The following ERCC6L2 variants were observed in gnomAD, a reference collection of about 807,000 sequenced individuals.
ERCC6L2 encodes the protein ERCC excision repair 6 like 2, also known as DNA excision repair protein ERCC-6-like 2.
A neutral mutation model predicts 132.0 loss-of-function variants in ERCC6L2; 77 were observed. The observed-to-expected ratio is 0.58, with a 90% CI of 0.49 to 0.71. ERCC6L2 has a LOEUF of 0.71. ERCC6L2 is among the 30% of genes least tolerant of loss of function. ERCC6L2 has a pLI of 0.00. For missense variants in ERCC6L2, 1,542 were observed against 1,837.6 expected, an observed-to-expected ratio of 0.84 and a Z score of 2.94; for synonymous variants, 583 against 632.4, an observed-to-expected ratio of 0.92 and a Z score of 1.17.
chr9:95,951,778 G>T (rs1196823064), intron 12 of ERCC6L2, among the ~76,000 whole-genome samples: 1 of 152,068 alleles, frequency 6.6e-6, no homozygotes, highest in Non-Finnish European at 1.5e-5. Context: ...AACTATAACT[G>T]TGTAAGGAGA....
At chr9:95,885,872 G>A (rs939502214) in intron 2 of ERCC6L2, among the ~76,000 whole-genome samples, 1 of 152,186 alleles carries the variant, frequency 6.6e-6, no homozygotes, top group Non-Finnish European at 1.5e-5. Flanking sequence ...GATGCTTCAG[G>A]TAATTCCAAG....
chr9:95,884,489 C>CTT (rs3991619), intron 2 of ERCC6L2, among the ~76,000 whole-genome samples: 37,037 of 145,096 alleles, frequency 0.26, 5,305 homozygotes, highest in East Asian at 0.37. Flanking sequence ...TTCTTTTCTT[C>CTT]TTTTTTTTTT....
chr9:95,996,650 T>C (rs929199421), intron 17 of ERCC6L2, among the ~76,000 whole-genome samples: 4 of 152,332 alleles, frequency 2.6e-5, no homozygotes, highest in Non-Finnish European at 5.9e-5. Context: ...CCCTTAAGGA[T>C]TATGCCAAAT....
At chr9:95,937,750 A>T (rs992633594) in intron 11 of ERCC6L2, among the ~76,000 whole-genome samples, 4 of 151,676 alleles carry the variant, frequency 2.6e-5, no homozygotes, top group Admixed American at 1.3e-4. Context: ...TTGCTAGTTT[A>T]GCAACGAATC....
At chr9:95,887,078 A>G (rs183675077) in intron 2 of ERCC6L2, among the ~76,000 whole-genome samples, 2 of 152,280 alleles carry the variant, frequency 1.3e-5, no homozygotes, top group African/African-American at 2.4e-5. Flanking sequence ...AACTCCTCAT[A>G]TATCTCTATT....
intron 9 of ERCC6L2, among the ~76,000 whole-genome samples, chr9:95,926,211 T>C (rs1253698252): frequency 6.6e-6 from 1 of 152,166 alleles, no homozygotes; most frequent in Non-Finnish European, 1.5e-5. Flanking sequence ...CTAAAAAATA[T>C]TACCTTAAAT....
chr9:96,011,900 C>T (rs1030105361), intron 18 of ERCC6L2, among the ~76,000 whole-genome samples: 1 of 152,142 alleles, frequency 6.6e-6, no homozygotes, highest in Non-Finnish European at 1.5e-5. Context: ...AAATCATGAT[C>T]CTCATGTCAG....
intron 17 of ERCC6L2, among the ~76,000 whole-genome samples, chr9:95,998,153 T>C (rs1225145685): frequency 2.0e-5 from 3 of 152,186 alleles, no homozygotes; most frequent in Admixed American, 2.0e-4. Context: ...CTCTTTTTTT[T>C]TGAAAAACGT....
intron 13 of ERCC6L2, among the ~76,000 whole-genome samples, chr9:95,961,468 G>A (rs188357628): frequency 6.6e-6 from 1 of 152,150 alleles, no homozygotes; most frequent in Non-Finnish European, 1.5e-5. Context: ...TTCAGATTTA[G>A]CTGCACAACT....
chr9:96,021,060 A>G (rs1410877212), downstream of ERCC6L2: 2 of 450,116 alleles, frequency 4.4e-6, no homozygotes, highest in East Asian at 7.0e-5. The surrounding 1 kb of genome is among the most constrained non-coding windows in gnomAD (Gnocchi z 4.7). Context: ...GCTAGGGGGC[A>G]CCGCCTGCGC....
intron 16 of ERCC6L2, among the ~76,000 whole-genome samples, chr9:95,974,722 T>TTTTGTG (rs1554756061): frequency 9.0e-4 from 135 of 149,802 alleles, no homozygotes; most frequent in East Asian, 3.0e-3. Context: ...GTGGCCAGAT[T>TTTTGTG]TGTGTGTGTG....
At chr9:96,020,571 G>A (rs1588063498), downstream of ERCC6L2, 1 of 361,690 alleles carries the variant, frequency 2.8e-6, no homozygotes, top group African/African-American at 2.1e-5. Context: ...GACATGTTGG[G>A]GTGGACAAGC....
chr9:95,891,781 A>C (rs1003396998), intron 2 of ERCC6L2, among the ~76,000 whole-genome samples: 3 of 151,878 alleles, frequency 2.0e-5, no homozygotes, highest in African/African-American at 4.8e-5. Context: ...TTTGATTTGC[A>C]TTTCTGTAAT....
At chr9:95,980,103 A>G (rs892471772) in intron 17 of ERCC6L2, among the ~76,000 whole-genome samples, 12 of 152,210 alleles carry the variant, frequency 7.9e-5, no homozygotes, top group African/African-American at 2.9e-4. Context: ...CTGTTTCTTA[A>G]GCAAAGTTAT....
intron 11 of ERCC6L2, among the ~76,000 whole-genome samples, chr9:95,938,569 C>T (rs1171701652): frequency 6.6e-6 from 1 of 152,052 alleles, no homozygotes; most frequent in Non-Finnish European, 1.5e-5. Context: ...TGTCATTGTG[C>T]ATTGTCCCTC....
chr9:95,939,558 TTCTG>T (rs1246685112), intron 11 of ERCC6L2, among the ~76,000 whole-genome samples: 3 of 152,218 alleles, frequency 2.0e-5, no homozygotes, highest in African/African-American at 7.2e-5. Flanking sequence ...TGCTTACTGA[TTCTG>T]TCTTTTGTCT....
At chr9:95,918,289 A>G in intron 6 of ERCC6L2, 1 of 413,772 alleles carries the variant, frequency 2.4e-6, no homozygotes, top group Non-Finnish European at 4.8e-6. Flanking sequence ...TGATGTTGTT[A>G]TTTGTCCTGA....
chr9:95,989,589 G>A (rs924788549), intron 17 of ERCC6L2, among the ~76,000 whole-genome samples: 5 of 152,236 alleles, frequency 3.3e-5, no homozygotes, highest in African/African-American at 1.2e-4. Context: ...GATTAGAGAA[G>A]TGTGATCTAG....
At position 95,966,648 on chromosome 9, in the gene ERCC6L2, T is replaced by C. The variant is rs1832172446; in HGVS notation, c.2034T>C (p.Leu678=). The C allele has an allele frequency of 6.5e-7, 1 of 1,546,572 alleles. No individual in the cohort carries two copies. The highest frequency in any genetic ancestry group is 8.8e-7 in the Non-Finnish European group (1 of 1,132,466). The change falls in exon 14 of 19, where the codon CTT becomes CTC. Residue 678 remains leucine (L), a synonymous_variant. Transcript: ENST00000653738. The part of the protein sequence containing the change: ...VQGSKEHQGE[L]FGIHNLFKFR... ...GATCTAAAGAGCATCAAGGAGAGCT[T>C]TTTGGGATCCATAACCTCTTCAAAT...
Sources: allele counts gnomAD v4.1 joint callset (sites outside exome capture counted in the v4.1 genomes callset), GRCh38; gene constraint gnomAD v4.1.1; non-coding constraint Gnocchi (gnomAD v3.1); transcripts MANE v1.5; gene names NCBI Gene and HGNC (gene_info 2026-07-23, HGNC 2026-07-21).